The following VPS13B variants were observed in gnomAD, a reference collection of about 807,000 sequenced individuals.
VPS13B encodes the protein vacuolar protein sorting 13 homolog B, also known as intermembrane lipid transfer protein VPS13B.
In VPS13B, 285 loss-of-function variants were observed where a neutral mutation model predicts 426.4. That is an observed-to-expected ratio of 0.67 (90% CI 0.61 to 0.74). VPS13B has a LOEUF of 0.74. VPS13B is among the 30% of genes least tolerant of loss of function. The pLI, the probability that VPS13B is intolerant of heterozygous loss-of-function variation, is 0.00. For synonymous variants in VPS13B, 1,676 were observed against 1,676.4 expected (o/e 1.00, Z 0.01); for missense variants, 4,537 against 4,782.6 (o/e 0.95, Z 1.51).
At chr8:99,075,259 T>C (rs1342973763) in intron 3 of VPS13B, among the ~76,000 whole-genome samples, 1 of 152,188 alleles carries the variant, frequency 6.6e-6, no homozygotes, top group African/African-American at 2.4e-5. Flanking sequence ...TTCTGCAGGC[T>C]GTATAGTCAT....
chr8:99,753,812 G>A (rs1386692604), intron 39 of VPS13B, among the ~76,000 whole-genome samples: 1 of 152,166 alleles, frequency 6.6e-6, no homozygotes, highest in African/African-American at 2.4e-5. Context: ...TGGACTTAGA[G>A]TCTTGTTTGT....
chr8:99,089,275 T>C (rs183526576), intron 3 of VPS13B, among the ~76,000 whole-genome samples: 235 of 152,244 alleles, frequency 1.5e-3, no homozygotes, highest in African/African-American at 5.2e-3. Context: ...TGTTACAATG[T>C]TTTTTCTGTT....
At chr8:99,438,745 T>C (rs561220838) in intron 22 of VPS13B, among the ~76,000 whole-genome samples, 69 of 152,254 alleles carry the variant, frequency 4.5e-4, no homozygotes, top group Non-Finnish European at 8.4e-4. Context: ...ATTTATCAAA[T>C]AGGAAAACTG....
intron 36 of VPS13B, among the ~76,000 whole-genome samples, chr8:99,715,426 T>C (rs922996073): frequency 5.9e-5 from 9 of 152,178 alleles, no homozygotes; most frequent in Admixed American, 2.6e-4. Context: ...TATCTCTTCT[T>C]TGATGTTTTA....
At chr8:99,478,001 C>T (rs1443957601) in intron 24 of VPS13B, among the ~76,000 whole-genome samples, 6 of 151,558 alleles carry the variant, frequency 4.0e-5, no homozygotes, top group South Asian at 2.1e-4. Flanking sequence ...GTAATCCCAG[C>T]GACTTGGTAG....
intron 54 of VPS13B, among the ~76,000 whole-genome samples, chr8:99,846,155 C>G (rs931714444): frequency 6.6e-6 from 1 of 152,142 alleles, no homozygotes; most frequent in Non-Finnish European, 1.5e-5. Context: ...TATTGAGTAC[C>G]CGGCACTGGT....
rs558253468 is a variant in VPS13B, at chr8:99,371,086, G to A, written c.2825-13122G>A. ...ATACTTATTTGACATTTATTAAATT[G>A]TATTTAAAATCTCTGTTAATGTCAC... On this transcript the variant is annotated intron_variant, in intron 19 of 61. Transcript: ENST00000357162. Among the ~76,000 whole-genome samples, 7 of 152,108 alleles carry A rather than the reference G, an allele frequency of 4.6e-5. 1 individual carries two copies. The highest frequency in any genetic ancestry group is 1.7e-4 in the African/African-American group (7 of 41,490).
At chr8:99,508,670 T>C (rs1318472726) in intron 28 of VPS13B, among the ~76,000 whole-genome samples, 2 of 152,158 alleles carry the variant, frequency 1.3e-5, no homozygotes, top group African/African-American at 4.8e-5. Context: ...AAAAACATTC[T>C]TAATAATTTT....
At chr8:99,764,807 C>T (rs114077142) in intron 39 of VPS13B, among the ~76,000 whole-genome samples, 2,052 of 152,128 alleles carry the variant, frequency 0.013, 37 homozygotes, top group African/African-American at 0.045. Context: ...TGATGATATT[C>T]GACTTGTTTC....
intron 8 of VPS13B, among the ~76,000 whole-genome samples, chr8:99,123,100 A>G (rs1848026623): frequency 6.9e-6 from 1 of 145,620 alleles, no homozygotes; most frequent in South Asian, 2.2e-4. Context: ...CAGCCTGGGC[A>G]ACAAGAGCGA....
chr8:99,815,189 T>C (rs917768640), intron 44 of VPS13B, among the ~76,000 whole-genome samples: 1 of 148,880 alleles, frequency 6.7e-6, no homozygotes, highest in Non-Finnish European at 1.5e-5. Context: ...AAACATGACA[T>C]AATCTTAGAG....
At chr8:99,219,880 G>T (rs1322966183) in intron 17 of VPS13B, among the ~76,000 whole-genome samples, 1 of 152,140 alleles carries the variant, frequency 6.6e-6, no homozygotes, top group Non-Finnish European at 1.5e-5. Context: ...AAGCTTCTGG[G>T]TGCCAAGCCT....
At chr8:99,648,116 A>G (rs1829666532) in intron 34 of VPS13B, among the ~76,000 whole-genome samples, 1 of 152,206 alleles carries the variant, frequency 6.6e-6, no homozygotes, top group African/African-American at 2.4e-5. Context: ...TATACAGCAG[A>G]CATATTTTGG....
intron 21 of VPS13B, among the ~76,000 whole-genome samples, chr8:99,402,803 C>G (rs910720540): frequency 1.3e-5 from 2 of 152,094 alleles, no homozygotes; most frequent in Non-Finnish European, 2.9e-5. Flanking sequence ...AAGAAGTAAG[C>G]CTGAGAAAGG....
intron 33 of VPS13B, among the ~76,000 whole-genome samples, chr8:99,589,045 A>G (rs1232091315): frequency 6.6e-6 from 1 of 151,726 alleles, no homozygotes; most frequent in Non-Finnish European, 1.5e-5. Flanking sequence ...TTCTGCATCT[A>G]TGGAGATAAT....
At chr8:99,064,104 C>CA (rs1844343744) in intron 3 of VPS13B, among the ~76,000 whole-genome samples, 1 of 152,198 alleles carries the variant, frequency 6.6e-6, no homozygotes, top group African/African-American at 2.4e-5. Flanking sequence ...ATCTGTAGGT[C>CA]ACCAACATCA....
intron 35 of VPS13B, among the ~76,000 whole-genome samples, chr8:99,663,551 AC>A (rs1830326134): frequency 6.6e-6 from 1 of 152,210 alleles, no homozygotes; most frequent in Non-Finnish European, 1.5e-5. Flanking sequence ...TTGTAAAAAA[AC>A]ATTCTATATG....
chr8:99,054,656 C>T (rs886238640), intron 3 of VPS13B, among the ~76,000 whole-genome samples: 2 of 152,062 alleles, frequency 1.3e-5, no homozygotes, highest in African/African-American at 4.8e-5. Context: ...TTGAAGATTT[C>T]CCCCTATGTT....
intron 50 of VPS13B, among the ~76,000 whole-genome samples, chr8:99,822,734 C>T (rs1381575786): frequency 1.3e-5 from 2 of 152,078 alleles, no homozygotes; most frequent in Non-Finnish European, 2.9e-5. Context: ...TTATTGAGAA[C>T]CCCCAAAGAC....
Sources: gnomAD v4.1 joint callset for allele counts (sites outside exome capture counted in the v4.1 genomes callset) on GRCh38, gnomAD v4.1.1 for gene constraint, MANE v1.5 for transcripts, NCBI Gene and HGNC (gene_info 2026-07-23, HGNC 2026-07-21) for gene names.